The following NAALADL2 variants were observed in gnomAD, a reference collection of about 807,000 sequenced individuals.
NAALADL2 encodes inactive N-acetylated-alpha-linked acidic dipeptidase-like protein 2.
NAALADL2 carries 76 observed loss-of-function variants against 87.2 expected under a neutral mutation model. That is an observed-to-expected ratio of 0.87 (90% CI 0.72 to 1.05). The LOEUF (loss-of-function observed/expected upper bound fraction) is 1.05, where lower values mean the gene tolerates loss of function less well. NAALADL2 is among the 50% of genes least tolerant of loss of function. The probability of loss-of-function intolerance (pLI) is 0.00; values close to 1 mark genes in which losing one functional copy is unlikely to be tolerated. For missense variants in NAALADL2, 1,089 were observed against 945.8 expected, an observed-to-expected ratio of 1.15 and a Z score of -1.99; for synonymous variants, 354 against 331.0, an observed-to-expected ratio of 1.07 and a Z score of -0.75.
At chr3:174,677,448 A>G (rs756090760) in intron 2 of NAALADL2, among the ~76,000 whole-genome samples, 2 of 151,854 alleles carry the variant, frequency 1.3e-5, no homozygotes, top group African/African-American at 2.4e-5. Context: ...GTATTTTTTC[A>G]TTTTGTGTTT....
intron 3 of NAALADL2, among the ~76,000 whole-genome samples, chr3:174,747,231 A>G (rs1734343033): frequency 6.6e-6 from 1 of 152,206 alleles, no homozygotes; most frequent in Non-Finnish European, 1.5e-5. Context: ...CAAATTTACA[A>G]GAAAAGGCCA....
intron 2 of NAALADL2, among the ~76,000 whole-genome samples, chr3:174,715,951 C>T (rs971879461): frequency 6.6e-6 from 1 of 152,098 alleles, no homozygotes; most frequent in Admixed American, 6.6e-5. Flanking sequence ...TAATTCATTA[C>T]ATTTTTTTCT....
At chr3:175,212,771 C>T (rs922428979) in intron 2 of NAALADL2, among the ~76,000 whole-genome samples, 9 of 152,092 alleles carry the variant, frequency 5.9e-5, no homozygotes, top group Admixed American at 1.3e-4. Flanking sequence ...ATGTAAAAGC[C>T]TATTTTTACC....
At chr3:175,072,187 A>G (rs1269527087) in intron 1 of NAALADL2, among the ~76,000 whole-genome samples, 2 of 152,078 alleles carry the variant, frequency 1.3e-5, no homozygotes, top group Non-Finnish European at 2.9e-5. Context: ...AGGACAGGCT[A>G]GTGTTGTGAT....
chr3:175,093,290 G>A (rs1223283541), intron 1 of NAALADL2, among the ~76,000 whole-genome samples: 3 of 151,226 alleles, frequency 2.0e-5, no homozygotes, highest in Non-Finnish European at 4.4e-5. Context: ...ACAGGGCAGA[G>A]GTGTTTTTAA....
intron 2 of NAALADL2, among the ~76,000 whole-genome samples, chr3:174,640,945 G>A (rs551172183): frequency 6.6e-6 from 1 of 152,264 alleles, no homozygotes; most frequent in East Asian, 1.9e-4. Flanking sequence ...GCTCTTTCCC[G>A]GAAGCACCGA....
rs1228077960 is a variant in NAALADL2, at chr3:175,673,904, A to G, written c.1896+46518A>G. On this transcript the variant is annotated intron_variant, in intron 11 of 13. Transcript: ENST00000454872. Reference sequence around the variant, plus strand: ...GGAAAATAGAGATAGATAAATATATAGACATTTTAATAAAATAGTATTTAC... The same window carrying G: ...GGAAAATAGAGATAGATAAATATATGGACATTTTAATAAAATAGTATTTAC... Among the ~76,000 whole-genome samples the G allele has an allele frequency of 5.3e-5, 8 of 152,194 alleles. No homozygotes were observed. In the East Asian group the frequency reaches 1.4e-3, roughly 26 times the overall value.
intron 9 of NAALADL2, among the ~76,000 whole-genome samples, chr3:175,556,490 A>T (rs1434380128): frequency 6.6e-6 from 1 of 152,202 alleles, no homozygotes; most frequent in Non-Finnish European, 1.5e-5. Context: ...AATAGCTCTC[A>T]AGCTAATAGT....
At chr3:175,397,272 G>A (rs527935800) in intron 5 of NAALADL2, 8 of 152,188 alleles carry the variant, frequency 5.3e-5, no homozygotes, top group African/African-American at 1.9e-4. Context: ...AAATTTGCAT[G>A]TCATCCTTTC....
At chr3:174,658,615 T>A (rs985402519) in intron 2 of NAALADL2, among the ~76,000 whole-genome samples, 1 of 152,162 alleles carries the variant, frequency 6.6e-6, no homozygotes, top group African/African-American at 2.4e-5. Flanking sequence ...AAATTCAAAT[T>A]TGGCTTCTGA....
intron 9 of NAALADL2, among the ~76,000 whole-genome samples, chr3:175,495,841 AT>A (rs200332780): frequency 6.9e-4 from 104 of 151,048 alleles, no homozygotes; most frequent in African/African-American, 2.3e-3. Flanking sequence ...TTAACCTGCC[AT>A]TTTTTTTTAG....
intron 1 of NAALADL2, among the ~76,000 whole-genome samples, chr3:174,988,684 A>G (rs1220330251): frequency 1.3e-5 from 2 of 152,290 alleles, no homozygotes; most frequent in South Asian, 2.1e-4. Context: ...TTGTGACAGC[A>G]TAACTCTGAT....
chr3:174,562,019 A>C (rs1350755251), intron 2 of NAALADL2, among the ~76,000 whole-genome samples: 1 of 152,116 alleles, frequency 6.6e-6, no homozygotes, highest in African/African-American at 2.4e-5. Flanking sequence ...ACTATAACTA[A>C]ATTTTTAATA....
intron 9 of NAALADL2, among the ~76,000 whole-genome samples, chr3:175,561,369 A>C (rs1716245466): frequency 1.3e-5 from 2 of 152,206 alleles, no homozygotes; most frequent in East Asian, 1.9e-4. Flanking sequence ...AAGTCTGTAC[A>C]TGTAAGTCTG....
At chr3:174,688,123 G>A (rs1364649672) in intron 2 of NAALADL2, among the ~76,000 whole-genome samples, 2 of 152,018 alleles carry the variant, frequency 1.3e-5, no homozygotes, top group Admixed American at 6.6e-5. Flanking sequence ...TGAAAATTTA[G>A]CTGTTGGCTT....
At chr3:175,331,259 C>CA (rs886405284) in intron 5 of NAALADL2, among the ~76,000 whole-genome samples, 1 of 152,098 alleles carries the variant, frequency 6.6e-6, no homozygotes, top group African/African-American at 2.4e-5. Flanking sequence ...CAAACTAGTG[C>CA]AAAAAATTGA....
intron 8 of NAALADL2, among the ~76,000 whole-genome samples, chr3:175,468,978 C>G (rs747594510): frequency 6.6e-6 from 1 of 151,958 alleles, no homozygotes; most frequent in Non-Finnish European, 1.5e-5. Context: ...AATACAACAA[C>G]TACAATGTGG....
chr3:175,094,514 G>A (rs1720759313), intron 1 of NAALADL2, among the ~76,000 whole-genome samples: 1 of 151,792 alleles, frequency 6.6e-6, no homozygotes, highest in African/African-American at 2.4e-5. Flanking sequence ...TATCTGAATA[G>A]CTATCATTAA....
At chr3:174,859,579 C>A in intron 1 of NAALADL2, 129 bp downstream of exon 1, 1 of 694,090 alleles carries the variant, frequency 1.4e-6, no homozygotes, top group South Asian at 1.9e-5. Context: ...GTGCCCTGGC[C>A]CTGTTTTTAA....
Sources: gnomAD v4.1 joint callset for allele counts (sites outside exome capture counted in the v4.1 genomes callset) on GRCh38, gnomAD v4.1.1 for gene constraint, MANE v1.5 for transcripts, NCBI Gene and HGNC (gene_info 2026-07-23, HGNC 2026-07-21) for gene names.